TICAM1: variants seen among roughly 807,000 people sequenced by gnomAD.
TICAM1 encodes the protein TIR domain containing adaptor molecule 1.
For synonymous variants in TICAM1, 439 were observed against 415.4 expected (o/e 1.06, Z -0.69); for missense variants, 895 against 938.2 (o/e 0.95, Z 0.60).
chr19:4,821,741 T>G (rs1172103073), intron 1 of TICAM1, among the ~76,000 whole-genome samples: 1 of 150,018 alleles, frequency 6.7e-6, no homozygotes, highest in African/African-American at 2.5e-5. Flanking sequence ...GCCTCCCGGG[T>G]TCTAGCGATT....
intron 1 of TICAM1, among the ~76,000 whole-genome samples, chr19:4,820,631 G>A (rs946377766): frequency 3.3e-5 from 5 of 151,926 alleles, no homozygotes; most frequent in East Asian, 3.9e-4. Flanking sequence ...TTGGGAGGCT[G>A]AGGCAGGTGG....
intron 1 of TICAM1, among the ~76,000 whole-genome samples, chr19:4,829,448 T>C (rs527733564): frequency 7.8e-6 from 1 of 129,008 alleles, no homozygotes; most frequent in East Asian, 2.6e-4. Flanking sequence ...ACCCAGCAAG[T>C]TTCATTTCTC....
Position 4,818,279 on chromosome 19 carries a change from T to C in TICAM1, c.99A>G (p.Pro33=). ...LLYLKHKLKT[P]RPGCQGQDLL... is the part of the protein sequence containing the mutation. ...GGTCCTGCCCCTGGCAGCCTGGGCGTGGGGTCTTCAGTTTGTGCTTCAGAT... is the reference window on the plus strand; with the variant it reads ...GGTCCTGCCCCTGGCAGCCTGGGCGCGGGGTCTTCAGTTTGTGCTTCAGAT... The change falls in exon 2 of 2, where the codon CCA becomes CCG. Residue 33 remains proline (P), a synonymous_variant. Transcript: ENST00000248244. This position sits in a 1 kb window ranked among gnomAD's most constrained non-coding sequence, Gnocchi z 4.0. 6.2e-7 allele frequency: 1 copy of C among 1,612,920 alleles called. No homozygotes were observed. Among genetic ancestry groups the C allele is most frequent in the Non-Finnish European group, 8.5e-7 (1 of 1,179,988 alleles).
At chr19:4,827,413 C>A in intron 1 of TICAM1, among the ~76,000 whole-genome samples, 1 of 124,410 alleles carries the variant, frequency 8.0e-6, no homozygotes, top group Admixed American at 8.1e-5. Context: ...AGAAAAAGGC[C>A]AGATGCCCAG....
chr19:4,817,034 G>T lies in TICAM1; in HGVS notation c.1344C>A (p.His448Gln). Residue 448 changes from histidine to glutamine, a missense_variant, in exon 2 of 2, where the codon CAC becomes CAA. Physicochemically the swap from His to Gln is conservative, Grantham distance 24. Transcript: ENST00000248244. The surrounding 1 kb of genome is among the most constrained non-coding windows in gnomAD (Gnocchi z 4.7). ...ELSCLQDAID[H>Q]SAFIILLLTS... ...TGAGAAGTAGGATGATGAAAGCTGA[G>T]TGGTCTATGGCGTCCTGCAGGCAGC... 1 of 1,614,178 alleles carries T rather than the reference G, an allele frequency of 6.2e-7. No individual in the cohort carries two copies. Among genetic ancestry groups the T allele is most frequent in the Non-Finnish European group, 8.5e-7 (1 of 1,180,030 alleles).
chr19:4,826,315 A>T (rs542689744), intron 1 of TICAM1, among the ~76,000 whole-genome samples: 23 of 150,110 alleles, frequency 1.5e-4, no homozygotes, highest in Admixed American at 2.0e-4. Flanking sequence ...ATATATATAT[A>T]TATTTATTTA....
chr19:4,816,572 G>T lies in TICAM1; in HGVS notation c.1806C>A (p.Pro602=). ...GSHMSFGTGA[P]YGARMPFGGQ... ...CCCCAAAGGGCATTCGAGCCCCATA[G>T]GGCGCCCCAGTCCCAAATGACATGT... The change falls in exon 2 of 2, where the codon CCC becomes CCA. Residue 602 remains proline, a synonymous_variant. Coordinates refer to ENST00000248244, the MANE Select transcript of TICAM1 (RefSeq NM_182919.4). This position sits in a 1 kb window ranked among gnomAD's most constrained non-coding sequence, Gnocchi z 4.3. 6 of 1,612,936 alleles carry T rather than the reference G, an allele frequency of 3.7e-6. No individual in the cohort carries two copies. Among genetic ancestry groups the T allele is most frequent in the Non-Finnish European group, 5.1e-6 (6 of 1,179,878 alleles).
At position 4,817,442 on chromosome 19, in the gene TICAM1, C is replaced by T. The variant is rs775123011; in HGVS notation, c.936G>A (p.Gln312=). 3 of 1,614,068 alleles carry T rather than the reference C, an allele frequency of 1.9e-6. No homozygotes were observed. The highest frequency in any genetic ancestry group is 1.1e-5 in the South Asian group (1 of 91,080). The part of the protein sequence containing the change: ...VECTEGSAGP[Q]SLPLPILEPV... Reference sequence around the variant, plus strand: ...GCTCCAGAATAGGCAAGGGGAGAGACTGGGGGCCTGCAGACCCCTCGGTGC... The same window carrying T: ...GCTCCAGAATAGGCAAGGGGAGAGATTGGGGGCCTGCAGACCCCTCGGTGC... The change falls in exon 2 of 2, where the codon CAG becomes CAA. Residue 312 remains glutamine, a synonymous_variant. Coordinates refer to ENST00000248244, the MANE Select transcript of TICAM1 (RefSeq NM_182919.4). This position sits in a 1 kb window ranked among gnomAD's most constrained non-coding sequence, Gnocchi z 4.7.
At chr19:4,819,978 C>T (rs1056563729) in intron 1 of TICAM1, among the ~76,000 whole-genome samples, 2 of 152,136 alleles carry the variant, frequency 1.3e-5, no homozygotes, top group African/African-American at 4.8e-5. Flanking sequence ...CAGCGTTGGA[C>T]TATGACATTA....
At position 4,817,388 on chromosome 19, in the gene TICAM1, G is replaced by T. The variant is rs978559582; in HGVS notation, c.990C>A (p.Asp330Glu). The T allele has an allele frequency of 6.2e-7, 1 of 1,614,032 alleles. No homozygotes were observed. Reference protein sequence around the residue: ...EPVKNPCSVKDQTPLQLSVED... With the variant: ...EPVKNPCSVKEQTPLQLSVED... The stretch of plus-strand genomic sequence containing the variant: ...CTACAGAAAGTTGGAGTGGCGTCTG[G>T]TCTTTGACAGAGCAGGGGTTTTTGA... The change falls in exon 2 of 2, where the codon GAC becomes GAA. Residue 330 changes from aspartate to glutamate, a missense_variant. Asp to Glu is a conservative substitution (Grantham distance 45). Coordinates refer to ENST00000248244, the MANE Select transcript of TICAM1 (RefSeq NM_182919.4). The surrounding 1 kb of genome is among the most constrained non-coding windows in gnomAD (Gnocchi z 4.7).
At chr19:4,825,968 G>C (rs1021716566) in intron 1 of TICAM1, among the ~76,000 whole-genome samples, 3 of 150,430 alleles carry the variant, frequency 2.0e-5, no homozygotes, top group Non-Finnish European at 4.4e-5. Context: ...TCAAAATAAA[G>C]AAACAAACAA....
At position 4,817,363 on chromosome 19, in the gene TICAM1, CTA is replaced by C. The variant is rs781080575; in HGVS notation, c.1013_1014del (p.Val338GlyfsTer58). On this transcript the variant is annotated frameshift_variant, in exon 2 of 2. Coordinates refer to ENST00000248244, the MANE Select transcript of TICAM1 (RefSeq NM_182919.4). LOFTEE classifies it low-confidence loss of function (END_TRUNC). The surrounding 1 kb of genome is among the most constrained non-coding windows in gnomAD (Gnocchi z 4.7). ...TTGGTATTTGGAGAGGTGGTATCTTCTACAGAAAGTTGGAGTGGCGTCTGGTC... is the reference window on the plus strand; with the variant it reads ...TTGGTATTTGGAGAGGTGGTATCTTCCAGAAAGTTGGAGTGGCGTCTGGTC... Reference protein sequence around the residue: ...VKDQTPLQLSVEDTTSPNTKP... With the variant: ...VKDQTPLQLSXEDTTSPNTKP... The C allele has an allele frequency of 3.1e-6, 5 of 1,613,716 alleles. No individual in the cohort carries two copies. The highest frequency in any genetic ancestry group is 3.4e-6 in the Non-Finnish European group (4 of 1,180,030).
In TICAM1 at chr19:4,816,155, A is replaced by T. The variant is rs2093584354; in HGVS notation, c.*84T>A. 7.0e-7 allele frequency: 1 copy of T among 1,421,758 alleles called. No homozygotes were observed. The highest frequency in any genetic ancestry group is 9.1e-7 in the Non-Finnish European group (1 of 1,092,956). The allele number at this position is 1,421,758 out of a possible 1,614,324, so 88.1% of individuals were successfully genotyped here. A position where few individuals can be genotyped will look rare whatever the true frequency, so the allele number is the denominator to read the frequency against. On this transcript the variant is annotated 3_prime_UTR_variant, in exon 2 of 2. Coordinates refer to ENST00000248244, the MANE Select transcript of TICAM1 (RefSeq NM_182919.4). The surrounding 1 kb of genome is among the most constrained non-coding windows in gnomAD (Gnocchi z 4.3). ...TCATCTTCCACTGTCCACAGGGCAC[A>T]GGGCAGACCGGGGTGCTCTATGGGG... is the stretch of plus-strand genomic sequence containing the variant.
In TICAM1 at chr19:4,816,470, C is replaced by T. The variant is rs2093585323; in HGVS notation, c.1908G>A (p.Trp636Ter). ...GCPQPPPLHA[W>*]QAGTPPPPSP... ...AGGGCGGTGGGGGGGTGCCAGCCTG[C>T]CATGCGTGCAGGGGTGGCGGCTGCG... Residue 636 changes from tryptophan to a stop codon, truncating the protein, a stop_gained, in exon 2 of 2, where the codon TGG (tryptophan) becomes TGA (stop). Coordinates refer to ENST00000248244, the MANE Select transcript of TICAM1 (RefSeq NM_182919.4). LOFTEE classifies it low-confidence loss of function (END_TRUNC). This position sits in a 1 kb window ranked among gnomAD's most constrained non-coding sequence, Gnocchi z 4.3. 6.4e-7 allele frequency: 1 copy of T among 1,557,334 alleles called. No homozygotes were observed. Among genetic ancestry groups the T allele is most frequent in the African/African-American group, 1.4e-5 (1 of 73,476 alleles).
In TICAM1 at chr19:4,817,863, G is replaced by C. The variant is rs1250357322; in HGVS notation, c.515C>G (p.Pro172Arg). ...GCGTGGGAGGCTCCTGGTCCCAGAG[G>C]GCAAAGCCGAGGATGGTGGGAGGCA... ...LGCLPPSSAL[P>R]SGTRSLPRPI... is the part of the protein sequence containing the mutation. Residue 172 changes from proline (P) to arginine (R), a missense_variant, in exon 2 of 2, where the codon CCC (proline) becomes CGC (arginine). Coordinates refer to ENST00000248244, the MANE Select transcript of TICAM1 (RefSeq NM_182919.4). This position sits in a 1 kb window ranked among gnomAD's most constrained non-coding sequence, Gnocchi z 4.7. 3 of 1,613,198 alleles carry C rather than the reference G, an allele frequency of 1.9e-6. No individual in the cohort carries two copies. The highest frequency in any genetic ancestry group is 2.5e-6 in the Non-Finnish European group (3 of 1,179,822).
chr19:4,829,623 T>C (rs1449508573), intron 1 of TICAM1, among the ~76,000 whole-genome samples: 4 of 152,012 alleles, frequency 2.6e-5, no homozygotes, highest in Non-Finnish European at 5.9e-5. Context: ...CATGAACTGG[T>C]ACTTAGGATG....
At position 4,818,906 on chromosome 19, in the gene TICAM1, T is replaced by A. The variant is rs1249811357; in HGVS notation, c.-139-390A>T. Among the ~76,000 whole-genome samples, 8 of 152,062 alleles carry A rather than the reference T, an allele frequency of 5.3e-5. No homozygotes were observed. Among genetic ancestry groups the A allele is most frequent in the Non-Finnish European group, 1.0e-4 (7 of 68,012 alleles). ...GGGGGGATCACCTGAGGTCAGGAGT[T>A]CGAGACCAGCCTGGCCAACATGGTG... On this transcript the variant is annotated intron_variant, in intron 1 of 1. Coordinates refer to ENST00000248244, the MANE Select transcript of TICAM1 (RefSeq NM_182919.4). This position sits in a 1 kb window ranked among gnomAD's most constrained non-coding sequence, Gnocchi z 4.0.
In TICAM1 at chr19:4,817,645, C is replaced by T. The variant is rs151272128; in HGVS notation, c.733G>A (p.Gly245Ser). 1,357 of 1,583,658 alleles carry T rather than the reference C, an allele frequency of 8.6e-4. 7 individuals carry two copies. Among genetic ancestry groups the T allele is most frequent in the African/African-American group, 6.7e-3 (498 of 74,420 alleles). The change falls in exon 2 of 2, where the codon GGT becomes AGT. Residue 245 changes from glycine to serine, a missense_variant. Gly to Ser is a moderately conservative substitution (Grantham distance 56). Coordinates refer to ENST00000248244, the MANE Select transcript of TICAM1 (RefSeq NM_182919.4). The surrounding 1 kb of genome is among the most constrained non-coding windows in gnomAD (Gnocchi z 4.7). The stretch of plus-strand genomic sequence containing the variant: ...ATCTCCTCAGGCTCCTGGCAGCCAC[C>T]GGGGACAGGCTCGGGCACCAAGCTG... ...QASLVPEPVPGGCQEPEEMSW... is the reference protein window; with the variant it reads ...QASLVPEPVPSGCQEPEEMSW...
chr19:4,816,416 T>G lies in TICAM1; in HGVS notation c.1962A>C (p.Ser654=). The G allele has an allele frequency of 6.4e-7, 1 of 1,563,174 alleles. No individual in the cohort carries two copies. ...PSPQPAAFPQ[S]LPFPQSPAFP... The stretch of plus-strand genomic sequence containing the variant: ...AGGCTGGGGACTGCGGGAAGGGCAG[T>G]GACTGTGGAAAGGCTGCTGGCTGTG... The change falls in exon 2 of 2, where the codon TCA becomes TCC. Residue 654 remains serine (S), a synonymous_variant. Coordinates refer to ENST00000248244, the MANE Select transcript of TICAM1 (RefSeq NM_182919.4). The surrounding 1 kb of genome is among the most constrained non-coding windows in gnomAD (Gnocchi z 4.3).
Sources: allele counts gnomAD v4.1 joint callset (sites outside exome capture counted in the v4.1 genomes callset), GRCh38; gene constraint gnomAD v4.1.1; non-coding constraint Gnocchi (gnomAD v3.1); transcripts MANE v1.5; gene names NCBI Gene and HGNC (gene_info 2026-07-23, HGNC 2026-07-21).